NRXN1: variants seen among roughly 807,000 people sequenced by gnomAD.
The protein encoded by NRXN1 is neurexin-1.
In NRXN1, 39 loss-of-function variants were observed where a neutral mutation model predicts 150.9. That is an observed-to-expected ratio of 0.26 (90% CI 0.20 to 0.34). NRXN1 has a LOEUF of 0.34. NRXN1 is among the 10% of genes least tolerant of loss of function. NRXN1 has a pLI of 1.00. For missense variants in NRXN1, 1,815 were observed against 1,949.9 expected, an observed-to-expected ratio of 0.93 and a Z score of 1.30; for synonymous variants, 924 against 757.0, an observed-to-expected ratio of 1.22 and a Z score of -3.62.
At chr2:50,477,778 A>G (rs2090111253) in intron 15 of NRXN1, among the ~76,000 whole-genome samples, 1 of 152,196 alleles carries the variant, frequency 6.6e-6, no homozygotes, top group Non-Finnish European at 1.5e-5. Flanking sequence ...TATAAATGGC[A>G]TTTGGGGAAA....
At chr2:49,995,169 C>T (rs1266319220) in intron 21 of NRXN1, among the ~76,000 whole-genome samples, 1 of 152,144 alleles carries the variant, frequency 6.6e-6, no homozygotes, top group Non-Finnish European at 1.5e-5. Context: ...AGAGTCAAGA[C>T]ATGAAATTCA....
At chr2:51,001,980 G>T (rs1362282674) in intron 2 of NRXN1, among the ~76,000 whole-genome samples, 4 of 151,902 alleles carry the variant, frequency 2.6e-5, no homozygotes, top group Non-Finnish European at 2.9e-5. Flanking sequence ...TCACACAGAA[G>T]AATCTAAACA....
At chr2:50,330,474 C>A (rs955293755) in intron 17 of NRXN1, among the ~76,000 whole-genome samples, 7 of 152,088 alleles carry the variant, frequency 4.6e-5, no homozygotes, top group Non-Finnish European at 8.8e-5. Context: ...TTTGCTTTAA[C>A]CTCCCATCCC....
intron 18 of NRXN1, among the ~76,000 whole-genome samples, chr2:50,235,344 G>T (rs1438313171): frequency 6.6e-6 from 1 of 151,900 alleles, no homozygotes; most frequent in Non-Finnish European, 1.5e-5. Context: ...TTGCTAAAAG[G>T]CACCTGAAAT....
intron 22 of NRXN1, among the ~76,000 whole-genome samples, chr2:49,932,993 G>A (rs1670396248): frequency 6.6e-6 from 1 of 152,078 alleles, no homozygotes; most frequent in Non-Finnish European, 1.5e-5. Context: ...TTATCACTGT[G>A]GATCAATTTG....
intron 22 of NRXN1, among the ~76,000 whole-genome samples, chr2:49,925,088 C>A (rs1668861397): frequency 1.3e-5 from 2 of 151,822 alleles, no homozygotes; most frequent in Non-Finnish European, 2.9e-5. Context: ...TCAAGAGATG[C>A]AGACCATTTT....
chr2:49,929,553 T>C (rs370459580), intron 22 of NRXN1, among the ~76,000 whole-genome samples: 55 of 152,282 alleles, frequency 3.6e-4, no homozygotes, highest in African/African-American at 1.2e-3. Context: ...CCAATTTGTC[T>C]TCCATATTTG....
chr2:50,191,955 T>C (rs574260558), intron 18 of NRXN1, among the ~76,000 whole-genome samples: 189 of 152,294 alleles, frequency 1.2e-3, no homozygotes, highest in Non-Finnish European at 2.3e-3. Context: ...ATCTAAATTA[T>C]AAAGAACCAA....
intron 5 of NRXN1, among the ~76,000 whole-genome samples, chr2:50,810,872 C>T (rs957603211): frequency 6.6e-6 from 1 of 151,466 alleles, no homozygotes. Flanking sequence ...CCCAGCTACT[C>T]GGGAGGCTGA....
chr2:50,620,315 T>G, intron 7 of NRXN1, 132 bp from the exon 8 acceptor site: 1 of 1,072,212 alleles, frequency 9.3e-7, no homozygotes, highest in Non-Finnish European at 1.3e-6. Flanking sequence ...TTTTTTCTGT[T>G]TGTTTGGTTT....
chr2:50,858,819 C>T (rs547098198), intron 5 of NRXN1, among the ~76,000 whole-genome samples: 2 of 152,002 alleles, frequency 1.3e-5, no homozygotes, highest in Non-Finnish European at 2.9e-5. Flanking sequence ...TTATCTAGAA[C>T]AGAACCCACC....
chr2:50,093,142 A>G (rs1007770795), intron 18 of NRXN1, among the ~76,000 whole-genome samples: 3 of 152,114 alleles, frequency 2.0e-5, no homozygotes, highest in Non-Finnish European at 4.4e-5. Context: ...AAAAATCTCC[A>G]TAAGTCTTTG....
chr2:50,925,664 T>C (rs1377174048), intron 3 of NRXN1, among the ~76,000 whole-genome samples: 1 of 151,942 alleles, frequency 6.6e-6, no homozygotes, highest in Non-Finnish European at 1.5e-5. Flanking sequence ...TTGTTATCAT[T>C]TTTCTCATAC....
chr2:50,793,340 T>C (rs943007078), intron 5 of NRXN1, among the ~76,000 whole-genome samples: 3 of 152,064 alleles, frequency 2.0e-5, no homozygotes. Context: ...AGTCTTCCAG[T>C]TGGGTGGTCA....
At chr2:50,723,483 T>C (rs1696930577) in intron 5 of NRXN1, among the ~76,000 whole-genome samples, 1 of 152,220 alleles carries the variant, frequency 6.6e-6, no homozygotes, top group African/African-American at 2.4e-5. Context: ...GTTTAAATTA[T>C]TGTTATGTGG....
intron 5 of NRXN1, chr2:50,840,916 C>T (rs979479183): frequency 6.6e-6 from 1 of 152,156 alleles, no homozygotes; most frequent in African/African-American, 2.4e-5. Flanking sequence ...AGATGTGTAA[C>T]GCTTACTTCC....
At chr2:50,651,597 G>A (rs1425032413) in intron 5 of NRXN1, among the ~76,000 whole-genome samples, 2 of 151,954 alleles carry the variant, frequency 1.3e-5, no homozygotes, top group East Asian at 1.9e-4. Flanking sequence ...GATGGAGGCT[G>A]CAGCGAGCTG....
chr2:50,792,747 G>A (rs1706232974), intron 5 of NRXN1, among the ~76,000 whole-genome samples: 1 of 151,918 alleles, frequency 6.6e-6, no homozygotes, highest in Admixed American at 6.6e-5. Context: ...ATGATACAAA[G>A]AAGGTATCCC....
Position 50,634,411 on chromosome 2 carries a change from A to C in NRXN1, c.833-10796T>G, listed in dbSNP as rs189172320. 5.2e-4 allele frequency among the ~76,000 whole-genome samples: 79 copies of C among 152,344 alleles called. 1 individual carries two copies. The highest frequency in any genetic ancestry group is 1.9e-3 in the African/African-American group (77 of 41,582). On this transcript the variant is annotated intron_variant, in intron 5 of 22. Coordinates refer to ENST00000401669, the MANE Select transcript of NRXN1 (RefSeq NM_001330078.2). Reference sequence around the variant, plus strand: ...TCTTAGTTTTCTTGTCAGTAAATGAAGACAATAATACTAGGATCTATTTTA... The same window carrying C: ...TCTTAGTTTTCTTGTCAGTAAATGACGACAATAATACTAGGATCTATTTTA...
Sources: gnomAD v4.1 joint callset for allele counts (sites outside exome capture counted in the v4.1 genomes callset) on GRCh38, gnomAD v4.1.1 for gene constraint, MANE v1.5 for transcripts, NCBI Gene and HGNC (gene_info 2026-07-23, HGNC 2026-07-21) for gene names.